Variants in HMCN1 observed in about 807,000 individuals in gnomAD.
HMCN1 encodes the protein hemicentin-1.
A neutral mutation model predicts 625.9 loss-of-function variants in HMCN1; 321 were observed. The ratio of observed to expected loss-of-function variants is 0.51; its 90% CI spans 0.47 to 0.56. The LOEUF is 0.56. Among genes scored for constraint, HMCN1 ranks in the 20% least tolerant of loss-of-function variants. The pLI is 0.00. For synonymous variants in HMCN1, 2,425 were observed against 2,417.6 expected, an observed-to-expected ratio of 1.00 and a Z score of -0.09; for missense variants, 6,588 against 6,887.3, an observed-to-expected ratio of 0.96 and a Z score of 1.54.
intron 4 of HMCN1, among the ~76,000 whole-genome samples, chr1:185,900,252 C>G (rs1665726819): frequency 6.6e-6 from 1 of 151,870 alleles, no homozygotes; most frequent in South Asian, 2.1e-4. Context: ...CAGTTGTTTC[C>G]AACTACCATC....
chr1:186,044,762 C>T (rs557588949), intron 40 of HMCN1, among the ~76,000 whole-genome samples: 2 of 152,156 alleles, frequency 1.3e-5, no homozygotes, highest in African/African-American at 4.8e-5. Context: ...GTGTAACAGG[C>T]TCAATTTCAT....
Position 186,082,907 on chromosome 1 carries a change from G to A in HMCN1, c.8830G>A (p.Val2944Ile). 2 of 1,595,620 alleles carry A rather than the reference G, an allele frequency of 1.3e-6. No homozygotes were observed. The highest frequency in any genetic ancestry group is 1.1e-5 in the South Asian group (1 of 87,810). Residue 2944 changes from valine (V) to isoleucine (I), a missense_variant, in exon 57 of 107, where the codon GTT (valine) becomes ATT (isoleucine). Coordinates refer to ENST00000271588, the MANE Select transcript of HMCN1 (RefSeq NM_031935.3). ...QITDIGRYVCVAENTAGSAKK... is the reference protein window; with the variant it reads ...QITDIGRYVCIAENTAGSAKK... ...AACAGATATCGGCAGGTATGTGTGT[G>A]TTGCTGAGAACACAGCTGGGAGTGC...
At chr1:186,185,401 TCAAGGAGATTAAG>T (rs1653225774) in intron 105 of HMCN1, among the ~76,000 whole-genome samples, 2 of 152,216 alleles carry the variant, frequency 1.3e-5, no homozygotes, top group South Asian at 4.1e-4. Context: ...TCTTATTTTG[TCAAGGAGATTAAG>T]CCCTCCTGGC....
chr1:185,785,888 C>CT (rs1379355220), intron 1 of HMCN1, among the ~76,000 whole-genome samples: 3 of 152,088 alleles, frequency 2.0e-5, no homozygotes, highest in African/African-American at 7.2e-5. Context: ...GCTTAGGGGA[C>CT]TTTGAGTGAT....
intron 13 of HMCN1, among the ~76,000 whole-genome samples, chr1:185,965,061 GTTAAC>G (rs1463109762): frequency 1.3e-5 from 2 of 151,874 alleles, no homozygotes; most frequent in East Asian, 3.8e-4. Flanking sequence ...TCTGTGAGAA[GTTAAC>G]TTAGCTTTGT....
intron 11 of HMCN1, among the ~76,000 whole-genome samples, chr1:185,935,949 T>G (rs996168174): frequency 6.6e-6 from 1 of 152,170 alleles, no homozygotes; most frequent in Non-Finnish European, 1.5e-5. Flanking sequence ...TACAAATTAA[T>G]TTCACTTTAA....
In HMCN1 at chr1:186,018,075, G is replaced by C. The variant is rs1361382757; in HGVS notation, c.5301-108G>C. ...TTTCATTTACAATTTATTTTACAGA[G>C]TAAGCAACTAGGAAATTGGACAAAT... On this transcript the variant is annotated intron_variant, in intron 33 of 106. Transcript: ENST00000271588. 9.0e-6 allele frequency: 9 copies of C among 1,002,544 alleles called. No homozygotes were observed. In the Admixed American group the frequency reaches 1.6e-4, roughly 18 times the overall value. The allele number at this position is 1,002,544 out of a possible 1,614,324, so 62.1% of individuals were successfully genotyped here. A position where few individuals can be genotyped will look rare whatever the true frequency, so the allele number is the denominator to read the frequency against.
At chr1:185,748,636 G>A (rs901154361) in intron 1 of HMCN1, among the ~76,000 whole-genome samples, 14 of 152,172 alleles carry the variant, frequency 9.2e-5, no homozygotes, top group African/African-American at 3.4e-4. Context: ...AATGGCATAG[G>A]TTTTGAGTGA....
At chr1:185,792,071 G>A (rs1658043453) in intron 1 of HMCN1, among the ~76,000 whole-genome samples, 1 of 152,020 alleles carries the variant, frequency 6.6e-6, no homozygotes, top group Non-Finnish European at 1.5e-5. Context: ...CTCACCGTCT[G>A]GAAAAGGAAA....
At chr1:185,830,246 G>A (rs192101173) in intron 1 of HMCN1, among the ~76,000 whole-genome samples, 104 of 152,160 alleles carry the variant, frequency 6.8e-4, no homozygotes, top group Non-Finnish European at 1.0e-3. Flanking sequence ...AAGCTCTTTA[G>A]TTTAATTAGA....
intron 11 of HMCN1, among the ~76,000 whole-genome samples, chr1:185,943,137 G>T (rs74735478): frequency 3.3e-5 from 5 of 152,096 alleles, no homozygotes; most frequent in Admixed American, 2.6e-4. Flanking sequence ...CATGGAGTTG[G>T]GTTGTGCTAC....
At chr1:186,005,486 G>C (rs1653556609) in intron 29 of HMCN1, among the ~76,000 whole-genome samples, 1 of 149,470 alleles carries the variant, frequency 6.7e-6, no homozygotes, top group African/African-American at 2.5e-5. Context: ...TGTTTAAATT[G>C]TTTATAAATG....
chr1:186,075,898 CT>C (rs766764740), intron 53 of HMCN1, among the ~76,000 whole-genome samples: 38 of 152,106 alleles, frequency 2.5e-4, no homozygotes, highest in Admixed American at 3.9e-4. Context: ...GTTATGCACT[CT>C]TTTAATGCTT....
At chr1:185,820,618 T>G (rs960571436) in intron 1 of HMCN1, among the ~76,000 whole-genome samples, 6 of 152,194 alleles carry the variant, frequency 3.9e-5, no homozygotes, top group Non-Finnish European at 8.8e-5. Flanking sequence ...TAGTAAATTT[T>G]TAAACAGTCT....
chr1:185,956,636 T>C (rs1649650530), intron 11 of HMCN1, among the ~76,000 whole-genome samples: 1 of 152,182 alleles, frequency 6.6e-6, no homozygotes, highest in Non-Finnish European at 1.5e-5. Context: ...TTTTTGGTTT[T>C]GGTTTTTATG....
intron 1 of HMCN1, among the ~76,000 whole-genome samples, chr1:185,759,142 G>A (rs1450382463): frequency 6.6e-6 from 1 of 152,140 alleles, no homozygotes; most frequent in Non-Finnish European, 1.5e-5. Context: ...TGTTTTTTGT[G>A]CTGTCTGTGA....
chr1:186,120,974 T>G lies in HMCN1; in HGVS notation c.12229+829T>G, dbSNP rs571510520. Among the ~76,000 whole-genome samples, 6 of 152,320 alleles carry G rather than the reference T, an allele frequency of 3.9e-5. 1 individual carries two copies. In the South Asian group the frequency reaches 1.2e-3, roughly 32 times the overall value. On this transcript the variant is annotated intron_variant, in intron 80 of 106. Transcript: ENST00000271588. Reference sequence around the variant, plus strand: ...GAGACAGAGAAGAATAATGGGAATATGTGGGGACCACTTTAGAAAATGGTT... The same window carrying G: ...GAGACAGAGAAGAATAATGGGAATAGGTGGGGACCACTTTAGAAAATGGTT...
intron 2 of HMCN1, among the ~76,000 whole-genome samples, chr1:185,855,050 A>G (rs1471036226): frequency 6.6e-6 from 1 of 152,210 alleles, no homozygotes; most frequent in Non-Finnish European, 1.5e-5. Flanking sequence ...GAGAAGGATC[A>G]TAAGAGAGGA....
At chr1:185,996,347 G>C (rs186759924) in intron 24 of HMCN1, among the ~76,000 whole-genome samples, 4 of 152,208 alleles carry the variant, frequency 2.6e-5, no homozygotes, top group Admixed American at 2.6e-4. Flanking sequence ...TAATATTTTG[G>C]AGACACTGGG....
Sources: gnomAD v4.1 joint callset for allele counts (sites outside exome capture counted in the v4.1 genomes callset) on GRCh38, gnomAD v4.1.1 for gene constraint, MANE v1.5 for transcripts, NCBI Gene and HGNC (gene_info 2026-07-23, HGNC 2026-07-21) for gene names.